CSMD2: variants seen among roughly 807,000 people sequenced by gnomAD.
The protein encoded by CSMD2 is CUB and Sushi multiple domains 2.
Under a neutral mutation model 398.5 loss-of-function variants are expected in CSMD2, and 130 were observed. The observed-to-expected ratio is 0.33, with a 90% CI of 0.28 to 0.38. CSMD2 has a LOEUF of 0.38. Ranked by LOEUF, CSMD2 falls within the 10% of genes least tolerant of loss-of-function variation. The pLI, the probability that CSMD2 is intolerant of heterozygous loss-of-function variation, is 1.00. For synonymous variants in CSMD2, 1,828 were observed against 1,908.5 expected (o/e 0.96, Z 1.10); for missense variants, 3,829 against 4,764.9 (o/e 0.80, Z 5.78).
Position 33,964,933 on chromosome 1 carries a change from G to A in CSMD2, c.518-28979C>T, listed in dbSNP as rs550942221. Among the ~76,000 whole-genome samples, 5 of 152,330 alleles carry A rather than the reference G, an allele frequency of 3.3e-5. No individual in the cohort carries two copies. The East Asian group carries it at 7.7e-4, about 24-fold the overall frequency. ...ATAACACCTCTCTAGCAAGACTATA[G>A]AGGATCAGATGAGAACTTGCATTTA... On this transcript the variant is annotated intron_variant, in intron 3 of 70. Transcript: ENST00000373381.
chr1:33,527,880 G>C (rs1654917566), intron 64 of CSMD2, among the ~76,000 whole-genome samples: 1 of 150,150 alleles, frequency 6.7e-6, no homozygotes, highest in South Asian at 2.1e-4. Context: ...GGCGGAGCTT[G>C]CAGTGAGCCA....
rs773139280 is a variant in CSMD2, at chr1:33,577,347, G to C, written c.7525C>G (p.Arg2509Gly). Residue 2509 changes from arginine (R) to glycine (G), a missense_variant, in exon 49 of 71, where the codon CGG becomes GGG. Physicochemically the swap from Arg to Gly is moderately radical, Grantham distance 125. This residue lies in a region of CSMD2 where 723 missense variants were observed against 758.6 expected (regional missense o/e 0.95). Coordinates refer to ENST00000373381, the MANE Select transcript of CSMD2 (RefSeq NM_001281956.2). ...CACAGGTGGTAGCCCTGGGGGTGCC[G>C]GGTACAGATGGCCATGCTGTGTCCC... is the stretch of plus-strand genomic sequence containing the variant. The part of the protein sequence containing the change: ...LVGHSMAICT[R>G]HPQGYHLWSE... The C allele has an allele frequency of 3.3e-5, 54 of 1,613,864 alleles. No individual in the cohort carries two copies. The highest frequency in any genetic ancestry group is 4.1e-5 in the Non-Finnish European group (48 of 1,179,962).
Position 33,541,113 on chromosome 1 carries a change from T to G in CSMD2, c.9457+17A>C, listed in dbSNP as rs1557505158. 6.2e-7 allele frequency: 1 copy of G among 1,611,768 alleles called. No homozygotes were observed. On this transcript the variant is annotated intron_variant, in intron 59 of 70. Coordinates refer to ENST00000373381, the MANE Select transcript of CSMD2 (RefSeq NM_001281956.2). Reference sequence around the variant, plus strand: ...TCTTCTTTGGCTCTCTGTCCACATTTGCAGCCCCAGACACACCTTTGCAGA... The same window carrying G: ...TCTTCTTTGGCTCTCTGTCCACATTGGCAGCCCCAGACACACCTTTGCAGA...
intron 29 of CSMD2, among the ~76,000 whole-genome samples, chr1:33,645,081 A>C (rs1249313856): frequency 6.6e-6 from 1 of 152,140 alleles, no homozygotes. Context: ...CATTGTTCTA[A>C]TTAGTGTTAT....
At position 33,583,822 on chromosome 1, in the gene CSMD2, G is replaced by T. The variant is rs1221627031; in HGVS notation, c.7060C>A (p.Pro2354Thr). Residue 2354 changes from proline to threonine, a missense_variant, in exon 47 of 71, where the codon CCA becomes ACA. Physicochemically the swap from Pro to Thr is conservative, Grantham distance 38. Coordinates refer to ENST00000373381, the MANE Select transcript of CSMD2 (RefSeq NM_001281956.2). The part of the protein sequence containing the change: ...GPPPICEVHC[P>T]TNELLTDSTG... ...GAGTCTGTCAGAAGCTCATTTGTTGGACAGTGCACTTGGAGAAAGAAAGAG... is the reference window on the plus strand; with the variant it reads ...GAGTCTGTCAGAAGCTCATTTGTTGTACAGTGCACTTGGAGAAAGAAAGAG... The T allele has an allele frequency of 6.2e-6, 10 of 1,613,628 alleles. No individual in the cohort carries two copies. The highest frequency in any genetic ancestry group is 8.5e-6 in the Non-Finnish European group (10 of 1,179,880).
intron 3 of CSMD2, among the ~76,000 whole-genome samples, chr1:33,986,046 G>A (rs1178893807): frequency 1.3e-5 from 2 of 152,164 alleles, no homozygotes; most frequent in Admixed American, 1.3e-4. Context: ...CTCCTTGAGG[G>A]CAGAGGTGGC....
chr1:33,659,099 A>T (rs1267404393), intron 26 of CSMD2, among the ~76,000 whole-genome samples: 1 of 152,256 alleles, frequency 6.6e-6, no homozygotes, highest in East Asian at 1.9e-4. Flanking sequence ...GAATTCAAAA[A>T]TAGCTGAGAT....
chr1:33,920,488 G>C (rs1460124297), intron 4 of CSMD2, among the ~76,000 whole-genome samples: 1 of 145,794 alleles, frequency 6.9e-6, no homozygotes, highest in African/African-American at 2.5e-5. Flanking sequence ...TTTGCAGTGA[G>C]CCGAGATTGT....
intron 10 of CSMD2, among the ~76,000 whole-genome samples, chr1:33,806,393 T>C (rs576879004): frequency 1.6e-4 from 24 of 152,348 alleles, no homozygotes; most frequent in African/African-American, 5.5e-4. Flanking sequence ...GGTTTCTGGC[T>C]GGTAATGCCC....
Position 33,533,752 on chromosome 1 carries a change from G to A in CSMD2, c.9991+44C>T, listed in dbSNP as rs778850184. 6 of 1,323,864 alleles carry A rather than the reference G, an allele frequency of 4.5e-6. No individual in the cohort carries two copies. The East Asian group carries it at 1.2e-4, about 25-fold the overall frequency. 82.0% of individuals were successfully genotyped at this position (1,323,864 alleles called of 1,614,324 possible). A position where few individuals can be genotyped will look rare whatever the true frequency, so the allele number is the denominator to read the frequency against. ...AAACATGACCCAGATGCCCAGCTGG[G>A]GCAAGAGGAATTTTCTTGGGATGTG... On this transcript the variant is annotated intron_variant, in intron 63 of 70. Coordinates refer to ENST00000373381, the MANE Select transcript of CSMD2 (RefSeq NM_001281956.2). The surrounding 1 kb of genome is among the most constrained non-coding windows in gnomAD (Gnocchi z 4.2).
chr1:33,598,386 C>A (rs1639976688), intron 44 of CSMD2, among the ~76,000 whole-genome samples: 1 of 152,200 alleles, frequency 6.6e-6, no homozygotes, highest in Admixed American at 6.5e-5. Context: ...TCTCTTGCCC[C>A]AGACCCTTGC....
intron 25 of CSMD2, among the ~76,000 whole-genome samples, chr1:33,669,763 G>A (rs1644430865): frequency 6.6e-6 from 1 of 152,190 alleles, no homozygotes. Context: ...ATTAGGGTGG[G>A]CCGTAAATCC....
chr1:34,110,687 CAAA>C (rs1660992765), intron 1 of CSMD2, among the ~76,000 whole-genome samples: 3 of 146,322 alleles, frequency 2.1e-5, no homozygotes, highest in Non-Finnish European at 4.7e-5. Context: ...CACATGGACA[CAAA>C]GAGGCAAACA....
intron 60 of CSMD2, among the ~76,000 whole-genome samples, chr1:33,538,462 G>A (rs1570659332): frequency 6.6e-6 from 1 of 152,178 alleles, no homozygotes; most frequent in Non-Finnish European, 1.5e-5. Flanking sequence ...TGATGCAAAT[G>A]TGTGTGCGTG....
chr1:33,876,177 A>T (rs1640827131), intron 5 of CSMD2, among the ~76,000 whole-genome samples: 1 of 152,230 alleles, frequency 6.6e-6, no homozygotes, highest in African/African-American at 2.4e-5. Context: ...AGCAGCAGAG[A>T]TTCCAGAGTC....
In CSMD2 at chr1:34,163,607, C is replaced by T. The variant is rs1048096732; in HGVS notation, c.187+1304G>A. ...CCCAAGAAGGGGAACTGGGGTGGTCCAGGCCAAGCCTTCAGAGGTTCAATC... is the reference window on the plus strand; with the variant it reads ...CCCAAGAAGGGGAACTGGGGTGGTCTAGGCCAAGCCTTCAGAGGTTCAATC... On this transcript the variant is annotated intron_variant, in intron 1 of 70. Transcript: ENST00000373381. This position sits in a 1 kb window ranked among gnomAD's most constrained non-coding sequence, Gnocchi z 5.4. Among the ~76,000 whole-genome samples, 2 of 152,174 alleles carry T rather than the reference C, an allele frequency of 1.3e-5. No individual in the cohort carries two copies. The highest frequency in any genetic ancestry group is 2.9e-5 in the Non-Finnish European group (2 of 68,028).
At chr1:33,999,739 G>C (rs143806824) in intron 3 of CSMD2, among the ~76,000 whole-genome samples, 145 of 152,164 alleles carry the variant, frequency 9.5e-4, no homozygotes, top group Non-Finnish European at 1.7e-3. Flanking sequence ...ACCTCTCTAA[G>C]GCTTTTCCCC....
Position 33,611,116 on chromosome 1 carries a change from T to C in CSMD2, c.6268A>G (p.Thr2090Ala), listed in dbSNP as rs907062194. The C allele has an allele frequency of 3.1e-6, 5 of 1,613,784 alleles. No individual in the cohort carries two copies. The African/African-American group carries it at 6.7e-5, about 22-fold the overall frequency. ...AAATACACGGTGGTCTCGTGGGACG[T>C]GGAGAGGAGGGAGCTTGGAAGCTCG... ...GSELPSSLLS[T>A]SHETTVYFHS... is the part of the protein sequence containing the mutation. The change falls in exon 41 of 71, where the codon ACG (threonine) becomes GCG (alanine). Residue 2090 changes from threonine to alanine, a missense_variant. Physicochemically the swap from Thr to Ala is moderately conservative, Grantham distance 58 (BLOSUM62 0). Transcript: ENST00000373381.
At chr1:33,850,903 C>T (rs542168200) in intron 5 of CSMD2, among the ~76,000 whole-genome samples, 157 of 152,094 alleles carry the variant, frequency 1.0e-3, no homozygotes, top group Non-Finnish European at 2.0e-3. Context: ...AAGCTCTGAG[C>T]CATTCCCTTC....
Sources: allele counts gnomAD v4.1 joint callset (sites outside exome capture counted in the v4.1 genomes callset), GRCh38; gene constraint gnomAD v4.1.1; regional missense constraint gnomAD v4.1.1; non-coding constraint Gnocchi (gnomAD v3.1); transcripts MANE v1.5; gene names NCBI Gene and HGNC (gene_info 2026-07-23, HGNC 2026-07-21).